The following TRABD2A variants were observed in gnomAD, a reference collection of about 807,000 sequenced individuals.
The protein encoded by TRABD2A is metalloprotease TIKI1.
In TRABD2A, 43 loss-of-function variants were observed where a neutral mutation model predicts 45.6. The observed-to-expected ratio is 0.94, with a 90% confidence interval of 0.74 to 1.22. The LOEUF (loss-of-function observed/expected upper bound fraction) is 1.22. Among genes scored for constraint, TRABD2A ranks in the 50% most tolerant of loss-of-function variants. The pLI, the probability that TRABD2A is intolerant of heterozygous loss-of-function variation, is 0.00. For synonymous variants in TRABD2A, 269 were observed against 265.0 expected (o/e 1.02, Z -0.15); for missense variants, 642 against 652.4 (o/e 0.98, Z 0.17).
At chr2:84,870,128 A>G (rs1559098180) in intron 2 of TRABD2A, 97 bp downstream of exon 2, 3 of 1,244,242 alleles carry the variant, frequency 2.4e-6, no homozygotes, top group Non-Finnish European at 3.3e-6. Flanking sequence ...CAATTTCTAG[A>G]CAAGCTGTGC....
chr2:84,858,594 G>A (rs1262287340), intron 2 of TRABD2A, among the ~76,000 whole-genome samples: 1 of 152,218 alleles, frequency 6.6e-6, no homozygotes, highest in African/African-American at 2.4e-5. Flanking sequence ...AGGATAGGCT[G>A]TGCCCAAAAT....
intron 5 of TRABD2A, among the ~76,000 whole-genome samples, chr2:84,824,694 C>T (rs965554168): frequency 6.6e-6 from 1 of 151,718 alleles, no homozygotes; most frequent in Non-Finnish European, 1.5e-5. Context: ...GCAAATGTCA[C>T]GAATCTGACT....
At chr2:84,866,383 C>A (rs76834945) in intron 2 of TRABD2A, among the ~76,000 whole-genome samples, 4 of 152,184 alleles carry the variant, frequency 2.6e-5, no homozygotes, top group African/African-American at 9.7e-5. Flanking sequence ...ATCATGCTAA[C>A]CACATAAAAC....
chr2:84,868,755 CT>C (rs1682776290), intron 2 of TRABD2A, among the ~76,000 whole-genome samples: 2 of 152,280 alleles, frequency 1.3e-5, no homozygotes, highest in East Asian at 1.9e-4. Context: ...TACTTCCAAG[CT>C]TTTTTTCCCC....
chr2:84,870,546 G>A lies in TRABD2A; in HGVS notation c.348C>T (p.Pro116=). The A allele has an allele frequency of 6.2e-7, 1 of 1,613,946 alleles. No homozygotes were observed. The highest frequency in any genetic ancestry group is 8.5e-7 in the Non-Finnish European group (1 of 1,179,854). ...PQGENLQDVL[P]RDIYCRLKRH... is the part of the protein sequence containing the mutation. The stretch of plus-strand genomic sequence containing the variant: ...GCTTGAGGCGGCAGTAGATGTCCCT[G>A]GGGAGCACATCTTGGAGGTTCTCGC... The change falls in exon 2 of 7, where the codon CCC becomes CCT. Residue 116 remains proline, a synonymous_variant. Coordinates refer to ENST00000409520, the MANE Select transcript of TRABD2A (RefSeq NM_001277053.2).
At chr2:84,839,109 T>C in intron 4 of TRABD2A, 40 bp downstream of exon 4, 1 of 1,607,702 alleles carries the variant, frequency 6.2e-7, no homozygotes, top group South Asian at 1.1e-5. Context: ...GGGAGAAGCC[T>C]CAGATTTCAG....
At chr2:84,866,740 A>G (rs1682689074) in intron 2 of TRABD2A, among the ~76,000 whole-genome samples, 1 of 146,076 alleles carries the variant, frequency 6.8e-6, no homozygotes. Context: ...TATTATCCCC[A>G]TTGGAAAGAT....
At chr2:84,862,341 C>T (rs1682527592) in intron 2 of TRABD2A, among the ~76,000 whole-genome samples, 1 of 152,176 alleles carries the variant, frequency 6.6e-6, no homozygotes. Context: ...TTCCTGAAGT[C>T]TAGACGTGTC....
At chr2:84,828,400 C>G (rs1681210448) in intron 5 of TRABD2A, among the ~76,000 whole-genome samples, 1 of 152,224 alleles carries the variant, frequency 6.6e-6, no homozygotes, top group African/African-American at 2.4e-5. Context: ...CCAGAATCAT[C>G]CCTTAAGGAC....
chr2:84,850,311 A>G (rs1682036551), intron 2 of TRABD2A, among the ~76,000 whole-genome samples: 1 of 152,180 alleles, frequency 6.6e-6, no homozygotes, highest in African/African-American at 2.4e-5. Context: ...GGATGGGTTT[A>G]CAATTATAAT....
Position 84,823,989 on chromosome 2 carries a change from C to G in TRABD2A, c.1298G>C (p.Arg433Pro), listed in dbSNP as rs778315280. The change falls in exon 6 of 7, where the codon CGG (arginine) becomes CCG (proline). Residue 433 changes from arginine (R) to proline (P), a missense_variant. Transcript: ENST00000409520. Reference protein sequence around the residue: ...RRRSQRRPRLRQFSDLWVRLE... With the variant: ...RRRSQRRPRLPQFSDLWVRLE... ...GCGGACCCACAGATCGCTGAATTGC[C>G]GGAGTCGCGGCCTCCGCTGTGACCG... is the stretch of plus-strand genomic sequence containing the variant. The G allele has an allele frequency of 6.2e-7, 1 of 1,613,904 alleles. No homozygotes were observed. The highest frequency in any genetic ancestry group is 1.3e-5 in the African/African-American group (1 of 75,046).
chr2:84,869,742 G>T (rs1682807045), intron 2 of TRABD2A, among the ~76,000 whole-genome samples: 1 of 152,006 alleles, frequency 6.6e-6, no homozygotes, highest in Admixed American at 6.6e-5. Context: ...CACTTTGGGA[G>T]GCCGAGGCAG....
chr2:84,844,450 C>G (rs1681817388), intron 2 of TRABD2A, among the ~76,000 whole-genome samples: 1 of 152,188 alleles, frequency 6.6e-6, no homozygotes. Context: ...GTCCATTAAA[C>G]CCCTTTCCTT....
Position 84,842,689 on chromosome 2 carries a change from A to G in TRABD2A, c.670-682T>C, listed in dbSNP as rs562125843. Reference sequence around the variant, plus strand: ...GGTTGCAGTAAGCCAAGATTGTGCCATTGTACTCCAGGCTGGATGACAGTG... The same window carrying G: ...GGTTGCAGTAAGCCAAGATTGTGCCGTTGTACTCCAGGCTGGATGACAGTG... On this transcript the variant is annotated intron_variant, in intron 2 of 6. Coordinates refer to ENST00000409520, the MANE Select transcript of TRABD2A (RefSeq NM_001277053.2). Among the ~76,000 whole-genome samples the G allele has an allele frequency of 9.9e-4, 149 of 151,250 alleles. 1 individual carries two copies. Among genetic ancestry groups the G allele is most frequent in the Non-Finnish European group, 1.8e-3 (120 of 67,810 alleles).
rs1035706493 is a variant in TRABD2A at position 84,839,090 on chromosome 2, TC to T, written c.991+58del. ...CCTAAGCAGGGGCTCACCTCAACAT[TC>T]CCTTCTTGGGAGAAGCCTCAGATTT... On this transcript the variant is annotated intron_variant, in intron 4 of 6. Transcript: ENST00000409520. 12 of 1,592,388 alleles carry T rather than the reference TC, an allele frequency of 7.5e-6. No individual in the cohort carries two copies. The African/African-American group carries it at 1.6e-4, about 21-fold the overall frequency.
intron 2 of TRABD2A, among the ~76,000 whole-genome samples, chr2:84,864,076 G>T (rs1682594871): frequency 6.6e-6 from 1 of 151,860 alleles, no homozygotes; most frequent in South Asian, 2.1e-4. Flanking sequence ...GAATCCCTCA[G>T]CCAATTACTC....
intron 2 of TRABD2A, among the ~76,000 whole-genome samples, chr2:84,853,613 G>A (rs955991176): frequency 6.6e-6 from 1 of 152,292 alleles, no homozygotes; most frequent in Middle Eastern, 3.4e-3. Context: ...GGCAGAGACT[G>A]GAGTGAGGCT....
At chr2:84,868,315 T>C (rs1339246946) in intron 2 of TRABD2A, among the ~76,000 whole-genome samples, 1 of 151,938 alleles carries the variant, frequency 6.6e-6, no homozygotes, top group Non-Finnish European at 1.5e-5. Context: ...AAACCATCAT[T>C]CTCAGCAAAC....
chr2:84,851,963 T>C (rs78142843), intron 2 of TRABD2A, among the ~76,000 whole-genome samples: 6,407 of 152,340 alleles, frequency 0.042, 145 homozygotes, highest in Middle Eastern at 0.082. Flanking sequence ...GTCTCCATCC[T>C]GACCTCTCTG....
Sources: gnomAD v4.1 joint callset for allele counts (sites outside exome capture counted in the v4.1 genomes callset) on GRCh38, gnomAD v4.1.1 for gene constraint, MANE v1.5 for transcripts, NCBI Gene and HGNC (gene_info 2026-07-23, HGNC 2026-07-21) for gene names.